Variants in SMG1 observed in about 807,000 individuals in gnomAD.
SMG1 encodes the protein SMG1 nonsense mediated mRNA decay associated PI3K related kinase, also known as serine/threonine-protein kinase SMG1.
In SMG1, 22 loss-of-function variants were observed where a neutral mutation model predicts 419.9. The ratio of observed to expected loss-of-function variants is 0.05; its 90% CI spans 0.04 to 0.07. The LOEUF (loss-of-function observed/expected upper bound fraction) is 0.07. SMG1 is among the 10% of genes least tolerant of loss of function. The pLI, the probability that SMG1 is intolerant of heterozygous loss-of-function variation, is 1.00. For synonymous variants in SMG1, 1,538 were observed against 1,553.5 expected (o/e 0.99, Z 0.23); for missense variants, 3,185 against 4,342.0 (o/e 0.73, Z 7.49).
At position 18,811,841 on chromosome 16, in the gene SMG1, C is replaced by T; in HGVS notation, c.10828G>A (p.Val3610Met). The T allele has an allele frequency of 6.2e-7, 1 of 1,614,036 alleles. No individual in the cohort carries two copies. Residue 3610 changes from valine (V) to methionine (M), a missense_variant, in exon 62 of 63, where the codon GTG (valine) becomes ATG (methionine). Transcript: ENST00000446231. The stretch of plus-strand genomic sequence containing the variant: ...GCTTTCACTCTCTTCCACACACTCA[C>T]TGCATAGGAGTTTCTCTCTTGCACC... ...KAVQERNSYA[V>M]SVWKRVKAKL...
intron 1 of SMG1, among the ~76,000 whole-genome samples, chr16:18,910,944 T>C (rs2037768889): frequency 6.6e-6 from 1 of 152,234 alleles, no homozygotes; most frequent in Non-Finnish European, 1.5e-5. Flanking sequence ...AAATTCCAAC[T>C]GTGTAGTAAA....
intron 51 of SMG1, among the ~76,000 whole-genome samples, chr16:18,831,800 C>T (rs946174660): frequency 1.4e-5 from 2 of 144,960 alleles, no homozygotes; most frequent in Admixed American, 6.9e-5. Flanking sequence ...TACACACACA[C>T]GTACATATTT....
At chr16:18,913,701 T>C (rs1437443202) in intron 1 of SMG1, among the ~76,000 whole-genome samples, 6 of 152,072 alleles carry the variant, frequency 3.9e-5, no homozygotes, top group Non-Finnish European at 8.8e-5. Context: ...TACATGTATG[T>C]GCAGTGAGGC....
intron 29 of SMG1, chr16:18,857,681 T>A (rs1378673493): frequency 1.3e-5 from 2 of 152,144 alleles, no homozygotes; most frequent in Non-Finnish European, 2.9e-5. Flanking sequence ...ACATGAATGT[T>A]GAGAGCAGGT....
rs1263221980 is a variant in SMG1 at position 18,901,842 on chromosome 16, C to T, written c.93-4886G>A. Among the ~76,000 whole-genome samples, 5 of 150,856 alleles carry T rather than the reference C, an allele frequency of 3.3e-5. No homozygotes were observed. In the East Asian group the frequency reaches 9.9e-4, roughly 30 times the overall value. On this transcript the variant is annotated intron_variant, in intron 1 of 62. Transcript: ENST00000446231. ...TACAAAAATTAGCCAGGCATGGTGA[C>T]GGGCACCTGTAATAATCCCAGCTAC...
intron 11 of SMG1, chr16:18,879,263 A>G (rs963291960): frequency 3.9e-6 from 2 of 506,732 alleles, no homozygotes; most frequent in Non-Finnish European, 7.2e-6. Flanking sequence ...CTACAGGTGC[A>G]CGCCACTACA....
At chr16:18,834,837 T>G in intron 49 of SMG1, 55 bp downstream of exon 49, 1 of 1,551,776 alleles carries the variant, frequency 6.4e-7, no homozygotes, top group Non-Finnish European at 8.8e-7. Context: ...CATTTTAGGT[T>G]TGGGATTAAA....
intron 54 of SMG1, among the ~76,000 whole-genome samples, chr16:18,828,926 A>C (rs1327661343): frequency 6.6e-6 from 1 of 151,664 alleles, no homozygotes; most frequent in African/African-American, 2.4e-5. Context: ...TGAACCCAGG[A>C]GGCGGAGGTT....
chr16:18,837,470 G>A (rs760491629), intron 45 of SMG1, 27 bp from the exon 46 acceptor site: 3 of 1,582,030 alleles, frequency 1.9e-6, no homozygotes, highest in African/African-American at 2.7e-5. Flanking sequence ...CGATTAAGAA[G>A]ACTCTTACAG....
intron 1 of SMG1, among the ~76,000 whole-genome samples, chr16:18,915,440 C>A (rs146472100): frequency 6.6e-6 from 1 of 152,248 alleles, no homozygotes; most frequent in East Asian, 1.9e-4. Flanking sequence ...GTGTTGTAAT[C>A]TCTGGAGTTA....
At chr16:18,891,205 T>C (rs1484815158) in intron 4 of SMG1, among the ~76,000 whole-genome samples, 1 of 152,180 alleles carries the variant, frequency 6.6e-6, no homozygotes, top group Admixed American at 6.5e-5. Flanking sequence ...AATTGACTGA[T>C]GGATGGAGGG....
chr16:18,836,540 G>C lies in SMG1; in HGVS notation c.7605-8C>G, dbSNP rs770361619. ...TGGGTGTGCTCAGAATACCTAATCAGGGGGACACAAACAAAATCAAAAGAT... is the reference window on the plus strand; with the variant it reads ...TGGGTGTGCTCAGAATACCTAATCACGGGGACACAAACAAAATCAAAAGAT... On this transcript the variant is annotated splice_region_variant and splice_polypyrimidine_tract_variant and intron_variant, in intron 46 of 62. Transcript: ENST00000446231. The C allele has an allele frequency of 6.2e-7, 1 of 1,610,112 alleles. No homozygotes were observed. Among genetic ancestry groups the C allele is most frequent in the Middle Eastern group, 1.7e-4 (1 of 6,044 alleles).
At chr16:18,910,309 C>A (rs1315499144) in intron 1 of SMG1, among the ~76,000 whole-genome samples, 1 of 150,928 alleles carries the variant, frequency 6.6e-6, no homozygotes, top group Admixed American at 6.6e-5. Flanking sequence ...TGGCTCACTG[C>A]AACCTCTGCC....
At chr16:18,817,531 C>T in intron 56 of SMG1, 61 bp from the exon 57 acceptor site, 2 of 1,289,422 alleles carry the variant, frequency 1.6e-6, no homozygotes, top group Non-Finnish European at 2.1e-6. Flanking sequence ...AGGGAGGTGG[C>T]AATTAATAAC....
chr16:18,846,154 A>G (rs2034254988), intron 38 of SMG1, among the ~76,000 whole-genome samples: 1 of 152,162 alleles, frequency 6.6e-6, no homozygotes, highest in Non-Finnish European at 1.5e-5. Flanking sequence ...CTCATAAAAG[A>G]GGCAGCTCCT....
chr16:18,834,519 G>GT, intron 49 of SMG1, 81 bp from the exon 50 acceptor site: 1 of 1,342,116 alleles, frequency 7.5e-7, no homozygotes, highest in Non-Finnish European at 1.0e-6. Flanking sequence ...GGCCATGCCT[G>GT]TAATTCCAGC....
intron 11 of SMG1, chr16:18,878,837 A>C (rs776205972): frequency 1.3e-5 from 2 of 153,482 alleles, no homozygotes; most frequent in Non-Finnish European, 2.9e-5. Flanking sequence ...GCAAAACTCC[A>C]TCTCTACAAA....
In SMG1 at chr16:18,807,276, C is replaced by A. The variant is rs1158606239; in HGVS notation, c.*2293G>T. 1 of 152,062 alleles carries A rather than the reference C, an allele frequency of 6.6e-6. No individual in the cohort carries two copies. Among genetic ancestry groups the A allele is most frequent in the Non-Finnish European group, 1.5e-5 (1 of 68,006 alleles). The allele number at this position is 152,062 out of a possible 1,614,324, so 9.4% of individuals were successfully genotyped here. On this transcript the variant is annotated 3_prime_UTR_variant, in exon 63 of 63. Transcript: ENST00000446231. ...GACTATCATTGCGATAAAAGTTTTT[C>A]CTTATGATGACAATAAAGAATGTTG... is the stretch of plus-strand genomic sequence containing the variant.
chr16:18,844,903 G>C (rs2034170429), intron 39 of SMG1, among the ~76,000 whole-genome samples: 1 of 152,034 alleles, frequency 6.6e-6, no homozygotes, highest in Non-Finnish European at 1.5e-5. Flanking sequence ...ATAGAATTAA[G>C]AAAACCAAAA....
Sources: allele counts gnomAD v4.1 joint callset (sites outside exome capture counted in the v4.1 genomes callset), GRCh38; gene constraint gnomAD v4.1.1; transcripts MANE v1.5; gene names NCBI Gene and HGNC (gene_info 2026-07-23, HGNC 2026-07-21).